The following CAPN2 variants were observed in gnomAD, a reference collection of about 807,000 sequenced individuals.
The protein encoded by CAPN2 is calpain 2.
Under a neutral mutation model 102.3 loss-of-function variants are expected in CAPN2, and 92 were observed. That is an observed-to-expected ratio of 0.90 (90% confidence interval 0.76 to 1.07). The LOEUF is 1.07. CAPN2 is among the 50% of genes least tolerant of loss of function. The pLI, the probability that CAPN2 is intolerant of heterozygous loss-of-function variation, is 0.00. For synonymous variants in CAPN2, 340 were observed against 355.4 expected (o/e 0.96, Z 0.49); for missense variants, 800 against 909.4 (o/e 0.88, Z 1.55).
chr1:223,721,560 C>A (rs1660051654), intron 2 of CAPN2, among the ~76,000 whole-genome samples: 1 of 152,220 alleles, frequency 6.6e-6, no homozygotes, highest in Admixed American at 6.5e-5. Context: ...TCATTGTAAC[C>A]CAGCAAATGT....
chr1:223,737,721 G>GA (rs1553254070), intron 2 of CAPN2, among the ~76,000 whole-genome samples: 1,383 of 69,822 alleles, frequency 0.02, 101 homozygotes, highest in Admixed American at 0.036. Context: ...GGGTGGGGGG[G>GA]AGAGAATACA....
At chr1:223,724,840 G>A (rs896571025) in intron 2 of CAPN2, among the ~76,000 whole-genome samples, 13 of 152,316 alleles carry the variant, frequency 8.5e-5, no homozygotes, top group African/African-American at 2.6e-4. Flanking sequence ...GGGCATGGTG[G>A]TGTGCACCTG....
chr1:223,713,059 G>T (rs527462808), intron 1 of CAPN2, among the ~76,000 whole-genome samples, 182 bp downstream of exon 1: 1 of 152,216 alleles, frequency 6.6e-6, no homozygotes, highest in South Asian at 2.1e-4. Flanking sequence ...GTTCGAGCGT[G>T]GGGGGACTCC....
At chr1:223,769,719 C>A in intron 16 of CAPN2, 122 bp from the exon 17 acceptor site, 1 of 743,244 alleles carries the variant, frequency 1.3e-6, no homozygotes, top group Non-Finnish European at 2.4e-6. Flanking sequence ...GGAAAAGGAT[C>A]CTTCTGCAAA....
intron 11 of CAPN2, chr1:223,758,749 TG>T (rs946979816): frequency 1.6e-4 from 26 of 166,176 alleles, no homozygotes; most frequent in Non-Finnish European, 1.2e-4. Context: ...TAGAGTACAG[TG>T]GTGTGATCAT....
chr1:223,751,386 A>G (rs1660893777), intron 7 of CAPN2, among the ~76,000 whole-genome samples: 1 of 152,328 alleles, frequency 6.6e-6, no homozygotes, highest in African/African-American at 2.4e-5. Context: ...GCTTACTGGT[A>G]GGCATGTTGA....
chr1:223,763,549 G>T (rs948345429), intron 14 of CAPN2, among the ~76,000 whole-genome samples: 1 of 152,260 alleles, frequency 6.6e-6, no homozygotes, highest in Non-Finnish European at 1.5e-5. Flanking sequence ...GCCCTGGCAT[G>T]ATGGGCATAG....
In CAPN2 at chr1:223,752,116, G is replaced by A. The variant is rs759407411; in HGVS notation, c.974+45G>A. On this transcript the variant is annotated intron_variant, in intron 8 of 20. Coordinates refer to ENST00000295006, the MANE Select transcript of CAPN2 (RefSeq NM_001748.5). ...CAGGGAAAGCTCTGTCTGCCCCAAT[G>A]TTCTTTACTAGAAAACTGCTAATTA... 5.2e-6 allele frequency: 7 copies of A among 1,338,062 alleles called. No homozygotes were observed. The South Asian group carries it at 8.4e-5, about 16-fold the overall frequency. 82.9% of individuals were successfully genotyped at this position (1,338,062 alleles called of 1,614,324 possible).
intron 11 of CAPN2, chr1:223,757,644 C>A: frequency 1.9e-6 from 1 of 526,908 alleles, no homozygotes; most frequent in Non-Finnish European, 3.4e-6. Flanking sequence ...TGGTTCTGGG[C>A]AGAAAATCCA....
At chr1:223,741,558 G>A (rs139326209) in intron 2 of CAPN2, among the ~76,000 whole-genome samples, 6 of 151,080 alleles carry the variant, frequency 4.0e-5, no homozygotes, top group African/African-American at 9.7e-5. Flanking sequence ...GGATTCAAGC[G>A]ATTCTCCTGC....
Position 223,761,615 on chromosome 1 carries a change from G to C in CAPN2, c.1564G>C (p.Glu522Gln). 6.2e-7 allele frequency: 1 copy of C among 1,611,746 alleles called. No individual in the cohort carries two copies. The change falls in exon 13 of 21, where the codon GAG (glutamate) becomes CAG (glutamine). Residue 522 changes from glutamate (E) to glutamine (Q), a missense_variant and splice_region_variant. Transcript: ENST00000295006. ...VDDEIEANLE[E>Q]FDISEDDIDD... ...TGATGAAATCGAGGCCAATCTTGAAGAGGTATTTGTAACTCTTTGAATTTC... is the reference window on the plus strand; with the variant it reads ...TGATGAAATCGAGGCCAATCTTGAACAGGTATTTGTAACTCTTTGAATTTC...
rs1661006765 is a variant in CAPN2 at position 223,755,380 on chromosome 1, C to T, written c.1136-100C>T. 5.1e-6 allele frequency: 6 copies of T among 1,176,032 alleles called. No individual in the cohort carries two copies. The highest frequency in any genetic ancestry group is 7.4e-6 in the Non-Finnish European group (6 of 814,080). 72.8% of individuals were successfully genotyped at this position (1,176,032 alleles called of 1,614,324 possible). The stretch of plus-strand genomic sequence containing the variant: ...CACCTCCCACCATCTCCCTTTATCT[C>T]CATCCCTCTCAGAAGCCTCCAAGCC... On this transcript the variant is annotated intron_variant, in intron 9 of 20. Coordinates refer to ENST00000295006, the MANE Select transcript of CAPN2 (RefSeq NM_001748.5). The surrounding 1 kb of genome is among the most constrained non-coding windows in gnomAD (Gnocchi z 4.1).
At chr1:223,772,368 T>C in intron 20 of CAPN2, 129 bp downstream of exon 20, 1 of 673,732 alleles carries the variant, frequency 1.5e-6, no homozygotes, top group Non-Finnish European at 2.6e-6. Flanking sequence ...GGGCCAGGCC[T>C]GTAACCGGTT....
At chr1:223,720,372 C>T (rs1244799097) in intron 2 of CAPN2, among the ~76,000 whole-genome samples, 3 of 136,264 alleles carry the variant, frequency 2.2e-5, no homozygotes, top group Non-Finnish European at 4.5e-5. Flanking sequence ...CTGGAGTGCA[C>T]TGGCAGGATC....
intron 14 of CAPN2, among the ~76,000 whole-genome samples, 196 bp downstream of exon 14, chr1:223,762,447 G>C (rs541762441): frequency 2.4e-4 from 37 of 152,256 alleles, no homozygotes; most frequent in African/African-American, 8.2e-4. Flanking sequence ...ATGCTGCCGG[G>C]GGCTTCCATT....
At chr1:223,747,469 G>A (rs1027559518) in intron 5 of CAPN2, among the ~76,000 whole-genome samples, 1 of 152,224 alleles carries the variant, frequency 6.6e-6, no homozygotes, top group Non-Finnish European at 1.5e-5. Context: ...GGGGAAGGGA[G>A]ATGGGGAGGT....
intron 7 of CAPN2, 98 bp downstream of exon 7, chr1:223,751,073 A>C: frequency 2.7e-6 from 3 of 1,094,548 alleles, no homozygotes; most frequent in Non-Finnish European, 4.1e-6. Flanking sequence ...CATTATTCTG[A>C]GAAATATAGC....
At chr1:223,757,559 C>T (rs988595370) in intron 11 of CAPN2, 179 bp downstream of exon 11, 108 of 649,970 alleles carry the variant, frequency 1.7e-4, no homozygotes, top group Non-Finnish European at 9.7e-5. Context: ...CTGGTCTAAG[C>T]TCTGGGCAAG....
chr1:223,762,099 G>T, intron 13 of CAPN2, 87 bp from the exon 14 acceptor site: 3 of 1,101,112 alleles, frequency 2.7e-6, no homozygotes, highest in East Asian at 2.4e-5. Flanking sequence ...GAAGGGGAGT[G>T]GGAGGTGGCT....
Sources: gnomAD v4.1 joint callset for allele counts (sites outside exome capture counted in the v4.1 genomes callset) on GRCh38, gnomAD v4.1.1 for gene constraint, Gnocchi (gnomAD v3.1) non-coding constraint, MANE v1.5 for transcripts, NCBI Gene and HGNC (gene_info 2026-07-23, HGNC 2026-07-21) for gene names.